Variants in CDIN1 observed in about 807,000 individuals in gnomAD.
CDIN1 encodes the protein CDAN1-interacting nuclease 1.
Under a neutral mutation model 45.3 loss-of-function variants are expected in CDIN1, and 33 were observed. The observed-to-expected ratio is 0.73, with a 90% confidence interval of 0.55 to 0.97. The LOEUF is 0.97. CDIN1 is among the 50% of genes least tolerant of loss of function. The pLI is 0.00. For synonymous variants in CDIN1, 118 were observed against 124.4 expected (o/e 0.95, Z 0.34); for missense variants, 303 against 339.4 (o/e 0.89, Z 0.84).
At chr15:36,580,584 T>A (rs899747967) in intron 1 of CDIN1, among the ~76,000 whole-genome samples, 1 of 152,220 alleles carries the variant, frequency 6.6e-6, no homozygotes, top group African/African-American at 2.4e-5. Flanking sequence ...ATTTCATACT[T>A]CCTCCCCCAA....
intron 5 of CDIN1, among the ~76,000 whole-genome samples, chr15:36,666,129 C>A (rs1337690664): frequency 6.6e-6 from 1 of 151,952 alleles, no homozygotes; most frequent in Non-Finnish European, 1.5e-5. Context: ...AAGGGCTGTT[C>A]TTATTTTACT....
intron 10 of CDIN1, among the ~76,000 whole-genome samples, chr15:36,773,858 C>G (rs2054140374): frequency 1.3e-5 from 2 of 152,210 alleles, no homozygotes; most frequent in Non-Finnish European, 2.9e-5. Context: ...GTAATGTCAG[C>G]TGCTATTCTG....
chr15:36,616,438 A>G (rs1377919875), intron 1 of CDIN1, among the ~76,000 whole-genome samples: 1 of 151,848 alleles, frequency 6.6e-6, no homozygotes, highest in Non-Finnish European at 1.5e-5. Context: ...ATGAGCCACT[A>G]CACCCGGCTA....
chr15:36,621,764 T>C (rs1346904982), intron 1 of CDIN1, among the ~76,000 whole-genome samples: 1 of 152,146 alleles, frequency 6.6e-6, no homozygotes, highest in South Asian at 2.1e-4. Context: ...CCCTTTTAGA[T>C]GGGCAAATTC....
intron 10 of CDIN1, among the ~76,000 whole-genome samples, chr15:36,721,040 A>C (rs1341258283): frequency 6.6e-6 from 1 of 152,038 alleles, no homozygotes; most frequent in Non-Finnish European, 1.5e-5. Context: ...GATGATGAGC[A>C]TTTTTTCATG....
intron 1 of CDIN1, among the ~76,000 whole-genome samples, chr15:36,638,666 G>A (rs894518407): frequency 2.0e-5 from 3 of 151,966 alleles, no homozygotes; most frequent in African/African-American, 7.2e-5. Flanking sequence ...AAACATAAAA[G>A]AACAACATTT....
chr15:36,679,453 ATTAACTTG>A (rs1251277658), intron 5 of CDIN1, among the ~76,000 whole-genome samples: 1 of 152,176 alleles, frequency 6.6e-6, no homozygotes, highest in African/African-American at 2.4e-5. Context: ...AGGTGTCAAC[ATTAACTTG>A]TTAAGATAAC....
chr15:36,762,478 T>TTTTG (rs202230263), intron 10 of CDIN1, among the ~76,000 whole-genome samples: 50 of 152,138 alleles, frequency 3.3e-4, no homozygotes, highest in African/African-American at 4.1e-4. Flanking sequence ...TGTTGTTTTG[T>TTTTG]TTTGTTTGTT....
At chr15:36,694,200 G>T (rs2042345334) in intron 7 of CDIN1, among the ~76,000 whole-genome samples, 1 of 152,178 alleles carries the variant, frequency 6.6e-6, no homozygotes, top group Admixed American at 6.5e-5. Flanking sequence ...CAGAGAAACT[G>T]ATGTTGTCTC....
At chr15:36,667,854 A>T (rs1019974950) in intron 5 of CDIN1, among the ~76,000 whole-genome samples, 2 of 152,168 alleles carry the variant, frequency 1.3e-5, no homozygotes, top group South Asian at 2.1e-4. Flanking sequence ...TGCAGACAAT[A>T]TGAGCTATTT....
intron 10 of CDIN1, among the ~76,000 whole-genome samples, chr15:36,752,479 TATC>T (rs923831948): frequency 6.6e-6 from 1 of 152,194 alleles, no homozygotes; most frequent in African/African-American, 2.4e-5. Flanking sequence ...GTAAATGAAA[TATC>T]ATATTGCTGG....
chr15:36,767,176 A>AAC (rs1173311555), intron 10 of CDIN1, among the ~76,000 whole-genome samples: 1 of 5,980 alleles, frequency 1.7e-4, no homozygotes, highest in Non-Finnish European at 0.036. Context: ...CCCAGCAGTT[A>AAC]AAAAAAATGG....
intron 1 of CDIN1, among the ~76,000 whole-genome samples, chr15:36,610,363 C>A (rs1049870275): frequency 6.6e-6 from 1 of 152,046 alleles, no homozygotes; most frequent in Non-Finnish European, 1.5e-5. Context: ...TTAAATTGTG[C>A]CTTTATAAAT....
At chr15:36,661,662 G>GT (rs934142872) in intron 5 of CDIN1, among the ~76,000 whole-genome samples, 11 of 151,882 alleles carry the variant, frequency 7.2e-5, no homozygotes, top group Non-Finnish European at 1.2e-4. Flanking sequence ...GATTTTACCT[G>GT]TTTTTTTGTT....
At chr15:36,734,402 T>C in intron 10 of CDIN1, 1 of 393,304 alleles carries the variant, frequency 2.5e-6, no homozygotes, top group Non-Finnish European at 5.0e-6. Flanking sequence ...TTTTATAATT[T>C]TTTTTTTTAA....
chr15:36,785,153 C>A (rs981893480), intron 10 of CDIN1, among the ~76,000 whole-genome samples: 23 of 152,152 alleles, frequency 1.5e-4, no homozygotes, highest in African/African-American at 3.9e-4. Context: ...TTCACATTTA[C>A]ATGGAGGATA....
intron 10 of CDIN1, among the ~76,000 whole-genome samples, chr15:36,796,690 C>T (rs185684077): frequency 2.0e-3 from 303 of 152,286 alleles, no homozygotes; most frequent in Non-Finnish European, 3.0e-3. Context: ...GTTGCCCTGT[C>T]GGGAACCATC....
intron 5 of CDIN1, among the ~76,000 whole-genome samples, chr15:36,663,607 G>A (rs908049340): frequency 1.3e-5 from 2 of 152,154 alleles, no homozygotes; most frequent in Non-Finnish European, 2.9e-5. Flanking sequence ...ATGTGAAGAA[G>A]TATGTGTTTG....
chr15:36,751,949 A>T (rs2053485245), intron 10 of CDIN1, among the ~76,000 whole-genome samples: 1 of 152,212 alleles, frequency 6.6e-6, no homozygotes, highest in Admixed American at 6.5e-5. Context: ...CTGAACAATG[A>T]AAACACATAG....
Sources: gnomAD v4.1 joint callset for allele counts (sites outside exome capture counted in the v4.1 genomes callset) on GRCh38, gnomAD v4.1.1 for gene constraint, MANE v1.5 for transcripts, NCBI Gene and HGNC (gene_info 2026-07-23, HGNC 2026-07-21) for gene names.